CACNB2: variants seen among roughly 807,000 people sequenced by gnomAD.
CACNB2 encodes the protein voltage-dependent L-type calcium channel subunit beta-2.
In CACNB2, 42 loss-of-function variants were observed where a neutral mutation model predicts 73.3. The observed-to-expected ratio is 0.57, with a 90% CI of 0.45 to 0.74. CACNB2 has a LOEUF of 0.74. Among genes scored for constraint, CACNB2 ranks in the 30% least tolerant of loss-of-function variants. CACNB2 has a pLI of 0.00. For synonymous variants in CACNB2, 348 were observed against 310.3 expected, an observed-to-expected ratio of 1.12 and a Z score of -1.28; for missense variants, 940 against 853.0, an observed-to-expected ratio of 1.10 and a Z score of -1.27.
chr10:18,379,949 G>A (rs1244740140), intron 2 of CACNB2, among the ~76,000 whole-genome samples: 1 of 151,966 alleles, frequency 6.6e-6, no homozygotes, highest in Non-Finnish European at 1.5e-5. Context: ...GGTCTCCCAA[G>A]GTGCTGGGAT....
intron 3 of CACNB2, among the ~76,000 whole-genome samples, chr10:18,435,071 C>T (rs996024868): frequency 6.6e-6 from 1 of 152,176 alleles, no homozygotes; most frequent in African/African-American, 2.4e-5. Flanking sequence ...CACGTAGATG[C>T]CTTCTGCTGA....
At chr10:18,375,294 C>G (rs2042750068) in intron 2 of CACNB2, among the ~76,000 whole-genome samples, 1 of 152,144 alleles carries the variant, frequency 6.6e-6, no homozygotes, top group African/African-American at 2.4e-5. Context: ...CCCTCCCAAT[C>G]CTGCACCAAT....
chr10:18,302,144 G>A (rs780137223), intron 2 of CACNB2, among the ~76,000 whole-genome samples: 1 of 152,020 alleles, frequency 6.6e-6, no homozygotes, highest in Non-Finnish European at 1.5e-5. Flanking sequence ...CCAACTTGAC[G>A]TAAAGAAATC....
chr10:18,448,104 A>G (rs1307336004), intron 3 of CACNB2, among the ~76,000 whole-genome samples: 1 of 152,134 alleles, frequency 6.6e-6, no homozygotes, highest in Non-Finnish European at 1.5e-5. Context: ...CAGTCCTCCC[A>G]CTTCAGCCTC....
intron 2 of CACNB2, among the ~76,000 whole-genome samples, chr10:18,248,048 A>G (rs774422202): frequency 6.6e-6 from 1 of 152,188 alleles, no homozygotes; most frequent in Non-Finnish European, 1.5e-5. Context: ...TCCTAATTCC[A>G]TCACATTGGT....
At chr10:18,381,459 G>A (rs917876917) in intron 2 of CACNB2, among the ~76,000 whole-genome samples, 5 of 151,908 alleles carry the variant, frequency 3.3e-5, no homozygotes, top group African/African-American at 9.7e-5. Flanking sequence ...GGGAGGCTGA[G>A]GCGGGTGGAT....
intron 2 of CACNB2, among the ~76,000 whole-genome samples, chr10:18,398,709 AC>A (rs1368373944): frequency 0.018 from 2,481 of 140,882 alleles, 46 homozygotes; most frequent in East Asian, 0.063. Context: ...ACACACACAC[AC>A]ACACAATTGT....
In CACNB2 at chr10:18,514,301, C is replaced by T; in HGVS notation, c.736C>T (p.Pro246Ser). The change falls in exon 7 of 14, where the codon CCT becomes TCT. Residue 246 changes from proline to serine, a missense_variant. Transcript: ENST00000324631. ...TGATATTCCAGCAAACCACCGCTCC[C>T]CTAAACCCAGTGCAAACAGTGTAAC... Reference protein sequence around the residue: ...ENDIPANHRSPKPSANSVTSP... With the variant: ...ENDIPANHRSSKPSANSVTSP... 1 of 1,614,110 alleles carries T rather than the reference C, an allele frequency of 6.2e-7. No individual in the cohort carries two copies. The highest frequency in any genetic ancestry group is 8.5e-7 in the Non-Finnish European group (1 of 1,180,000).
chr10:18,473,752 T>C (rs2048305554), intron 3 of CACNB2, among the ~76,000 whole-genome samples: 1 of 152,228 alleles, frequency 6.6e-6, no homozygotes, highest in Non-Finnish European at 1.5e-5. Context: ...TTGTGTTTGC[T>C]TCTTTAAAAA....
chr10:18,360,095 G>A (rs979525253), intron 2 of CACNB2, among the ~76,000 whole-genome samples: 2 of 152,144 alleles, frequency 1.3e-5, no homozygotes, highest in Admixed American at 6.5e-5. Context: ...ATAAACTGCC[G>A]ATGAATCAAC....
chr10:18,470,137 A>G (rs1570938), intron 3 of CACNB2, among the ~76,000 whole-genome samples: 151,434 of 151,438 alleles, frequency 1, 75,715 homozygotes, highest in Non-Finnish European at 1. Context: ...TCTATTTAAG[A>G]AAACCAGATA....
chr10:18,289,364 G>A (rs1181723818), intron 2 of CACNB2, among the ~76,000 whole-genome samples: 2 of 140,352 alleles, frequency 1.4e-5, no homozygotes, highest in African/African-American at 2.7e-5. Context: ...GCGTGATCTC[G>A]GCTCACTGCA....
chr10:18,243,508 C>T (rs1392533267), intron 2 of CACNB2, among the ~76,000 whole-genome samples: 1 of 152,188 alleles, frequency 6.6e-6, no homozygotes, highest in Admixed American at 6.5e-5. Flanking sequence ...CCTCCCAAAA[C>T]TCATGTTGAA....
At chr10:18,195,248 C>T (rs1179992519) in intron 2 of CACNB2, among the ~76,000 whole-genome samples, 1 of 152,128 alleles carries the variant, frequency 6.6e-6, no homozygotes, top group Non-Finnish European at 1.5e-5. Flanking sequence ...CTTTACATGC[C>T]ACAGGAGAAG....
chr10:18,287,365 T>C (rs151126018), intron 2 of CACNB2, among the ~76,000 whole-genome samples: 1 of 152,126 alleles, frequency 6.6e-6, no homozygotes, highest in Non-Finnish European at 1.5e-5. Context: ...AATTCTGACA[T>C]TTTTCCCTTT....
At chr10:18,162,847 G>A (rs2032568321) in intron 2 of CACNB2, among the ~76,000 whole-genome samples, 1 of 152,202 alleles carries the variant, frequency 6.6e-6, no homozygotes, top group Non-Finnish European at 1.5e-5. Flanking sequence ...TCTGAATAGT[G>A]AGCATAGATA....
chr10:18,140,553 G>A lies in CACNB2; in HGVS notation c.-184G>A, dbSNP rs1440259499. The A allele has an allele frequency of 5.1e-6, 2 of 394,166 alleles. No homozygotes were observed. Among genetic ancestry groups the A allele is most frequent in the South Asian group, 8.0e-5 (1 of 12,426 alleles). The allele number at this position is 394,166 out of a possible 1,614,324, so 24.4% of individuals were successfully genotyped here. A position where few individuals can be genotyped will look rare whatever the true frequency, so the allele number is the denominator to read the frequency against. ...TCGCCCGATGCCCCGGCCCCGTCCCGCGCACTGAGCGCCTGGCAGCAGGGC... is the reference window on the plus strand; with the variant it reads ...TCGCCCGATGCCCCGGCCCCGTCCCACGCACTGAGCGCCTGGCAGCAGGGC... On this transcript the variant is annotated 5_prime_UTR_variant, in exon 1 of 14. Transcript: ENST00000324631.
chr10:18,245,639 T>C (rs886813068), intron 2 of CACNB2, among the ~76,000 whole-genome samples: 1 of 152,172 alleles, frequency 6.6e-6, no homozygotes, highest in Non-Finnish European at 1.5e-5. Flanking sequence ...TCTCCTCCTG[T>C]TCATTTTTAT....
At chr10:18,396,554 T>G (rs2043723145) in intron 2 of CACNB2, among the ~76,000 whole-genome samples, 1 of 152,018 alleles carries the variant, frequency 6.6e-6, no homozygotes, top group African/African-American at 2.4e-5. Flanking sequence ...CACTGCAACC[T>G]CCACCTCCAG....
Sources: allele counts gnomAD v4.1 joint callset (sites outside exome capture counted in the v4.1 genomes callset), GRCh38; gene constraint gnomAD v4.1.1; transcripts MANE v1.5; gene names NCBI Gene and HGNC (gene_info 2026-07-23, HGNC 2026-07-21).